Variants in MTAP observed in about 807,000 individuals in gnomAD.
The protein encoded by MTAP is methylthioadenosine phosphorylase.
In MTAP, 33 loss-of-function variants were observed where a neutral mutation model predicts 33.6. The ratio of observed to expected loss-of-function variants is 0.98; its 90% CI spans 0.74 to 1.31. The LOEUF is 1.31. MTAP is among the 40% of genes most tolerant of loss of function. The pLI, the probability that MTAP is intolerant of heterozygous loss-of-function variation, is 0.00. For missense variants in MTAP, 367 were observed against 360.0 expected, an observed-to-expected ratio of 1.02 and a Z score of -0.16; for synonymous variants, 148 against 125.7, an observed-to-expected ratio of 1.18 and a Z score of -1.19.
chr9:21,912,883 C>A (rs1818603586), intron 1 of MTAP, among the ~76,000 whole-genome samples: 1 of 152,066 alleles, frequency 6.6e-6, no homozygotes, highest in African/African-American at 2.4e-5. Flanking sequence ...TCTAGAAAAC[C>A]CCATCGTCTC....
At chr9:21,903,326 A>T (rs184578664) in intron 1 of MTAP, among the ~76,000 whole-genome samples, 68 of 152,236 alleles carry the variant, frequency 4.5e-4, no homozygotes, top group East Asian at 1.9e-3. Context: ...ATTTTTTTTT[A>T]AAAATCTTCA....
At chr9:21,888,049 T>A (rs529598369) in intron 1 of MTAP, among the ~76,000 whole-genome samples, 1 of 152,354 alleles carries the variant, frequency 6.6e-6, no homozygotes, top group African/African-American at 2.4e-5. Flanking sequence ...TAGGGTTTTC[T>A]ATGTATACCA....
At chr9:21,857,521 T>C (rs1401819347) in intron 6 of MTAP, among the ~76,000 whole-genome samples, 2 of 152,230 alleles carry the variant, frequency 1.3e-5, no homozygotes, top group African/African-American at 2.4e-5. Flanking sequence ...TAGGAAGGCA[T>C]GTCAAGTACT....
At chr9:21,822,947 C>A (rs1824684253) in intron 4 of MTAP, among the ~76,000 whole-genome samples, 1 of 152,196 alleles carries the variant, frequency 6.6e-6, no homozygotes, top group Admixed American at 6.5e-5. Context: ...ACTAGGATTG[C>A]AACGACTGCC....
At chr9:21,802,981 C>G (rs1824094338) in intron 1 of MTAP, 200 bp downstream of exon 1, 2 of 1,217,184 alleles carry the variant, frequency 1.6e-6, no homozygotes, top group African/African-American at 3.4e-5. Flanking sequence ...CCTGCCGCAC[C>G]GCCAACACAC....
chr9:21,859,308 G>T lies in MTAP; in HGVS notation c.696G>T (p.Ser232=), dbSNP rs761366602. 1 of 1,607,806 alleles carries T rather than the reference G, an allele frequency of 6.2e-7. No homozygotes were observed. Among genetic ancestry groups the T allele is most frequent in the East Asian group, 2.2e-5 (1 of 44,752 alleles). ...CAGTGCTATTGTTTCTCTAGGTTTC[G>T]GTGGACCGGGTCTTAAAGACCCTGA... The part of the protein sequence containing the change: ...DCWKEHEEAV[S]VDRVLKTLKE... Residue 232 remains serine (S), a synonymous_variant, in exon 7 of 8, where the codon TCG becomes TCT. Transcript: ENST00000644715.
chr9:21,890,157 G>A (rs913246446), intron 1 of MTAP, among the ~76,000 whole-genome samples: 1 of 151,992 alleles, frequency 6.6e-6, no homozygotes, highest in Non-Finnish European at 1.5e-5. Context: ...TTAAGCCGAT[G>A]GAGTTATGTT....
chr9:21,860,471 C>T (rs563100379), intron 7 of MTAP: 12 of 152,156 alleles, frequency 7.9e-5, no homozygotes, highest in Non-Finnish European at 1.6e-4. Context: ...ATCTTCCCTA[C>T]TAAGAAACAA....
chr9:21,832,723 A>G (rs1412433701), intron 4 of MTAP, among the ~76,000 whole-genome samples: 1 of 152,142 alleles, frequency 6.6e-6, no homozygotes, highest in Non-Finnish European at 1.5e-5. Flanking sequence ...ACATCCTTTT[A>G]TTAAAAATCC....
chr9:21,932,709 A>G (rs1214376056), downstream of MTAP: 2 of 152,154 alleles, frequency 1.3e-5, no homozygotes, highest in Non-Finnish European at 2.9e-5. Context: ...CTAGCTTTCA[A>G]ATTTCCGGGG....
intron 1 of MTAP, among the ~76,000 whole-genome samples, chr9:21,909,750 G>C (rs923459221): frequency 2.6e-5 from 4 of 152,148 alleles, no homozygotes; most frequent in Non-Finnish European, 2.9e-5. Flanking sequence ...GTGCCAGATA[G>C]TATGGCATTC....
intron 1 of MTAP, among the ~76,000 whole-genome samples, chr9:21,804,608 C>T (rs558055983): frequency 1.3e-5 from 2 of 152,270 alleles, no homozygotes; most frequent in South Asian, 2.1e-4. Flanking sequence ...ATGCCAGCAC[C>T]GTATTCCCCA....
chr9:21,911,667 A>G (rs1164676515), intron 1 of MTAP, among the ~76,000 whole-genome samples: 1 of 152,212 alleles, frequency 6.6e-6, no homozygotes, highest in African/African-American at 2.4e-5. Context: ...AATGCCCACA[A>G]GAGAAAGCAG....
chr9:21,931,373 A>T (rs1438322301), downstream of MTAP: 1 of 507,332 alleles, frequency 2.0e-6, no homozygotes, highest in East Asian at 3.1e-5. Flanking sequence ...GACCCCCTCC[A>T]ACTAGGAATG....
chr9:21,911,623 T>C (rs558035962), intron 1 of MTAP, among the ~76,000 whole-genome samples: 2 of 152,190 alleles, frequency 1.3e-5, no homozygotes, highest in African/African-American at 4.8e-5. Context: ...GTGACACATT[T>C]AAAACAGTGT....
At chr9:21,816,576 T>A in intron 2 of MTAP, 138 bp from the exon 3 acceptor site, 1 of 673,666 alleles carries the variant, frequency 1.5e-6, no homozygotes. Context: ...ATTATATTGA[T>A]AATCAGATCT....
intron 1 of MTAP, among the ~76,000 whole-genome samples, chr9:21,873,730 A>G (rs1483702053): frequency 6.6e-6 from 1 of 151,768 alleles, no homozygotes; most frequent in Non-Finnish European, 1.5e-5. Context: ...TGTTCATTTT[A>G]CCTCAATCAG....
At chr9:21,836,793 A>C (rs1270884748) in intron 4 of MTAP, among the ~76,000 whole-genome samples, 1 of 152,072 alleles carries the variant, frequency 6.6e-6, no homozygotes, top group Non-Finnish European at 1.5e-5. Context: ...CTTATTTCTG[A>C]GTGAGGTGGC....
chr9:21,879,900 C>T (rs916976020), intron 1 of MTAP, among the ~76,000 whole-genome samples: 1 of 152,036 alleles, frequency 6.6e-6, no homozygotes, highest in Non-Finnish European at 1.5e-5. Flanking sequence ...TCTGAGAGGT[C>T]CACTGTTAAC....
Sources: allele counts gnomAD v4.1 joint callset (sites outside exome capture counted in the v4.1 genomes callset), GRCh38; gene constraint gnomAD v4.1.1; transcripts MANE v1.5; gene names NCBI Gene and HGNC (gene_info 2026-07-23, HGNC 2026-07-21).